The following ADAMTSL2 variants were observed in gnomAD, a reference collection of about 807,000 sequenced individuals.
The protein encoded by ADAMTSL2 is ADAMTS-like protein 2.
A neutral mutation model predicts 117.0 loss-of-function variants in ADAMTSL2; 55 were observed. That is an observed-to-expected ratio of 0.47 (90% confidence interval 0.38 to 0.59). The LOEUF (loss-of-function observed/expected upper bound fraction) is 0.59. Among genes scored for constraint, ADAMTSL2 ranks in the 20% least tolerant of loss-of-function variants. The probability of loss-of-function intolerance (pLI) is 0.00; values close to 1 mark genes in which losing one functional copy is unlikely to be tolerated. For synonymous variants in ADAMTSL2, 572 were observed against 566.4 expected, an observed-to-expected ratio of 1.01 and a Z score of -0.14; for missense variants, 1,182 against 1,354.5, an observed-to-expected ratio of 0.87 and a Z score of 2.00.
At chr9:133,541,182 G>A (rs1311344183) in intron 7 of ADAMTSL2, among the ~76,000 whole-genome samples, 181 bp downstream of exon 7, 2 of 152,204 alleles carry the variant, frequency 1.3e-5, no homozygotes, top group Non-Finnish European at 2.9e-5. Flanking sequence ...CCGTTGGCTT[G>A]CAAGAATGGG....
At chr9:133,532,783 T>G (rs1829968620), upstream of ADAMTSL2, among the ~76,000 whole-genome samples, 1 of 149,522 alleles carries the variant, frequency 6.7e-6, no homozygotes, top group African/African-American at 2.5e-5. Flanking sequence ...GGGTAAGGGG[T>G]GGGGGTGGTG....
At position 133,568,860 on chromosome 9, in the gene ADAMTSL2, G is replaced by A. The variant is rs1308961441; in HGVS notation, c.2244+102G>A. The A allele has an allele frequency of 1.4e-5, 21 of 1,489,280 alleles. No homozygotes were observed. In the East Asian group the frequency reaches 1.8e-4, roughly 13 times the overall value. 92.3% of individuals were successfully genotyped at this position (1,489,280 alleles called of 1,614,324 possible). ...TTCCATTTTTTTCCGAGGCAAGGGT[G>A]TGAGGTCAAGAATGTCCAACCAGCC... is the stretch of plus-strand genomic sequence containing the variant. On this transcript the variant is annotated intron_variant, in intron 15 of 18. Transcript: ENST00000651351.
intron 3 of ADAMTSL2, 82 bp downstream of exon 3, chr9:133,537,629 T>G: frequency 7.9e-7 from 1 of 1,270,548 alleles, no homozygotes; most frequent in Non-Finnish European, 1.0e-6. Context: ...CTCTTCAGCC[T>G]GGTGGCTTCT....
chr9:133,551,808 G>A (rs1328964671), intron 9 of ADAMTSL2, among the ~76,000 whole-genome samples: 2 of 140,882 alleles, frequency 1.4e-5, no homozygotes, highest in Non-Finnish European at 3.0e-5. Context: ...ACCCAAAGCA[G>A]CAGCTTTTTT....
rs1338363522 is a variant in ADAMTSL2, at chr9:133,574,850, C to A, written c.2842C>A (p.Pro948Thr). The change falls in exon 19 of 19, where the codon CCC becomes ACC. Residue 948 changes from proline (P) to threonine (T), a missense_variant. Transcript: ENST00000651351. ...YSKACCRSCR[P>T]PHS Reference sequence around the variant, plus strand: ...CAAGGCGTGCTGCCGCTCCTGCAGGCCCCCCCACTCCTAGGCCCGGCAGCT... The same window carrying A: ...CAAGGCGTGCTGCCGCTCCTGCAGGACCCCCCACTCCTAGGCCCGGCAGCT... 9 of 1,584,832 alleles carry A rather than the reference C, an allele frequency of 5.7e-6. No homozygotes were observed. Among genetic ancestry groups the A allele is most frequent in the Non-Finnish European group, 7.8e-6 (9 of 1,158,466 alleles).
Position 133,558,725 on chromosome 9 carries a change from CA to C in ADAMTSL2, c.1650-2472del, listed in dbSNP as rs1189781159. On this transcript the variant is annotated intron_variant, in intron 11 of 18. Coordinates refer to ENST00000651351, the MANE Select transcript of ADAMTSL2 (RefSeq NM_014694.4). This position sits in a 1 kb window ranked among gnomAD's most constrained non-coding sequence, Gnocchi z 4.3. ...GCCCCAGTCTAGCAGCTCTGACTTT[CA>C]CAGCTGAGAGGGGCAGTGACTTCCT... 6.6e-6 allele frequency among the ~76,000 whole-genome samples: 1 copy of C among 152,218 alleles called. No homozygotes were observed. The highest frequency in any genetic ancestry group is 2.4e-5 in the African/African-American group (1 of 41,464).
chr9:133,562,901 T>G (rs9330156), intron 12 of ADAMTSL2, among the ~76,000 whole-genome samples: 1 of 48,146 alleles, frequency 2.1e-5, no homozygotes, highest in Admixed American at 1.9e-4. Flanking sequence ...TGGCCAGGCT[T>G]GCACCGCTGT....
intron 9 of ADAMTSL2, among the ~76,000 whole-genome samples, chr9:133,552,922 G>A (rs960104610): frequency 6.6e-6 from 1 of 152,228 alleles, no homozygotes; most frequent in Non-Finnish European, 1.5e-5. Context: ...TAACTTCTTT[G>A]TCATGAGAGG....
In ADAMTSL2 at chr9:133,554,573, T is replaced by C; in HGVS notation, c.1156T>C (p.Phe386Leu). The C allele has an allele frequency of 1.3e-6, 2 of 1,546,914 alleles. No individual in the cohort carries two copies. Among genetic ancestry groups the C allele is most frequent in the Non-Finnish European group, 1.7e-6 (2 of 1,146,154 alleles). Residue 386 changes from phenylalanine to leucine, a missense_variant, in exon 10 of 19, where the codon TTC (phenylalanine) becomes CTC (leucine). Physicochemically the swap from Phe to Leu is conservative, Grantham distance 22 (BLOSUM62 0). This residue lies in a region of ADAMTSL2 where 345 missense variants were observed against 325.8 expected (regional missense o/e 1.06). Coordinates refer to ENST00000651351, the MANE Select transcript of ADAMTSL2 (RefSeq NM_014694.4). This position sits in a 1 kb window ranked among gnomAD's most constrained non-coding sequence, Gnocchi z 5.2. ...SERLGLDNRLFGHPGLDMELG... is the reference protein window; with the variant it reads ...SERLGLDNRLLGHPGLDMELG... Reference sequence around the variant, plus strand: ...GCGGCTGGGCCTGGACAACCGGCTGTTCGGCCACCCGGGCCTGGACATGGA... The same window carrying C: ...GCGGCTGGGCCTGGACAACCGGCTGCTCGGCCACCCGGGCCTGGACATGGA...
At chr9:133,536,442 G>A in intron 1 of ADAMTSL2, 121 bp from the exon 2 acceptor site, 2 of 1,375,996 alleles carry the variant, frequency 1.5e-6, no homozygotes, top group East Asian at 2.5e-5. Flanking sequence ...ATCAAGGGTG[G>A]CACAGGCTTA....
At chr9:133,548,067 C>T (rs1206911009) in intron 9 of ADAMTSL2, among the ~76,000 whole-genome samples, 3 of 152,250 alleles carry the variant, frequency 2.0e-5, no homozygotes, top group African/African-American at 7.2e-5. Context: ...GGGAATACAG[C>T]AGGGTTGGAG....
intron 11 of ADAMTSL2, 136 bp downstream of exon 11, chr9:133,556,066 C>A: frequency 8.4e-7 from 1 of 1,194,420 alleles, no homozygotes; most frequent in Non-Finnish European, 1.1e-6. Flanking sequence ...AGAGAGGGCC[C>A]CTTCTTCCCG....
intron 7 of ADAMTSL2, among the ~76,000 whole-genome samples, chr9:133,542,231 G>A (rs893943819): frequency 2.0e-5 from 3 of 152,226 alleles, no homozygotes; most frequent in Non-Finnish European, 4.4e-5. Flanking sequence ...CTAGGGACGG[G>A]CGTGCCGGAC....
In ADAMTSL2 at chr9:133,554,817, C is replaced by A; in HGVS notation, c.1276+124C>A. 2.4e-6 allele frequency: 2 copies of A among 834,450 alleles called. No homozygotes were observed. Among genetic ancestry groups the A allele is most frequent in the East Asian group, 2.7e-5 (1 of 37,044 alleles). The allele number at this position is 834,450 out of a possible 1,614,324, so 51.7% of individuals were successfully genotyped here. A position where few individuals can be genotyped will look rare whatever the true frequency, so the allele number is the denominator to read the frequency against. Reference sequence around the variant, plus strand: ...GGAGGTTCCTAAGAGCTGCCAGCTACCTGCAGATGTCCTCTGGGCAGGCAC... The same window carrying A: ...GGAGGTTCCTAAGAGCTGCCAGCTAACTGCAGATGTCCTCTGGGCAGGCAC... On this transcript the variant is annotated intron_variant, in intron 10 of 18. Coordinates refer to ENST00000651351, the MANE Select transcript of ADAMTSL2 (RefSeq NM_014694.4). The surrounding 1 kb of genome is among the most constrained non-coding windows in gnomAD (Gnocchi z 5.2).
At position 133,574,790 on chromosome 9, in the gene ADAMTSL2, A is replaced by G. The variant is rs1396080516; in HGVS notation, c.2782A>G (p.Ile928Val). 9.9e-6 allele frequency: 16 copies of G among 1,613,648 alleles called. No individual in the cohort carries two copies. The highest frequency in any genetic ancestry group is 5.3e-5 in the African/African-American group (4 of 74,928). ...DQPGTNCALAIKVNLCGHWYY... is the reference protein window; with the variant it reads ...DQPGTNCALAVKVNLCGHWYY... ...GCCAGGCACCAACTGTGCCCTGGCC[A>G]TCAAAGTGAACCTCTGCGGGCACTG... The change falls in exon 19 of 19, where the codon ATC becomes GTC. Residue 928 changes from isoleucine to valine, a missense_variant. Around this residue, in one of 3 missense-constraint regions of ADAMTSL2, gnomAD observed 465 missense variants for 565.3 expected, o/e 0.82. Coordinates refer to ENST00000651351, the MANE Select transcript of ADAMTSL2 (RefSeq NM_014694.4).
In ADAMTSL2 at chr9:133,573,962, G is replaced by A. The variant is rs1588314064; in HGVS notation, c.2712G>A (p.Leu904=). 6 of 1,613,794 alleles carry A rather than the reference G, an allele frequency of 3.7e-6. No individual in the cohort carries two copies. The East Asian group carries it at 1.3e-4, about 36-fold the overall frequency. The part of the protein sequence containing the change: ...VKPVGRQACD[L]QPCPTEPPDD... ...CCGTTGGCAGACAGGCCTGTGATCT[G>A]CAGCCCTGCCCCACGGAGCCCCCAG... The change falls in exon 18 of 19, where the codon CTG becomes CTA. Residue 904 remains leucine, a synonymous_variant. Transcript: ENST00000651351.
chr9:133,547,298 C>T lies in ADAMTSL2; in HGVS notation c.939+85C>T, dbSNP rs893551305. 2.2e-5 allele frequency: 31 copies of T among 1,402,894 alleles called. No homozygotes were observed. In the Admixed American group the frequency reaches 2.5e-4, roughly 11 times the overall value. The allele number at this position is 1,402,894 out of a possible 1,614,324, so 86.9% of individuals were successfully genotyped here. ...CAGCCACAGGTGAGGTCTTCCAGCC[C>T]GTGACGCCCCCAGGGCCACTGTGCG... On this transcript the variant is annotated intron_variant, in intron 9 of 18. Transcript: ENST00000651351.
In ADAMTSL2 at chr9:133,536,604, T is replaced by G; in HGVS notation, c.-109T>G. ...ACGACCAACTAGTCCCAGATAACCTTGAGGCCTGGGCACTGGCTGGGCCCC... is the reference window on the plus strand; with the variant it reads ...ACGACCAACTAGTCCCAGATAACCTGGAGGCCTGGGCACTGGCTGGGCCCC... On this transcript the variant is annotated 5_prime_UTR_variant, in exon 2 of 19. Transcript: ENST00000651351. 1 of 1,611,906 alleles carries G rather than the reference T, an allele frequency of 6.2e-7. No homozygotes were observed. Among genetic ancestry groups the G allele is most frequent in the African/African-American group, 1.3e-5 (1 of 75,030 alleles).
At chr9:133,545,011 C>T (rs932852826) in intron 8 of ADAMTSL2, among the ~76,000 whole-genome samples, 3 of 152,262 alleles carry the variant, frequency 2.0e-5, no homozygotes. Context: ...AGTCAGACTC[C>T]GCTGGGAGGC....
Sources: gnomAD v4.1 joint callset for allele counts (sites outside exome capture counted in the v4.1 genomes callset) on GRCh38, gnomAD v4.1.1 for gene constraint, gnomAD v4.1.1 regional missense constraint, Gnocchi (gnomAD v3.1) non-coding constraint, MANE v1.5 for transcripts, NCBI Gene and HGNC (gene_info 2026-07-23, HGNC 2026-07-21) for gene names.